P2RY14: variants seen among roughly 807,000 people sequenced by gnomAD.
The protein encoded by P2RY14 is P2Y purinoceptor 14.
P2RY14 carries 2 observed loss-of-function variants against 0.9 expected under a neutral mutation model. That is an observed-to-expected ratio of 2.16 (90% CI 0.88 to 6.79). The LOEUF is 6.79. Ranked by LOEUF, P2RY14 falls within the 30% of genes most tolerant of loss-of-function variation. The pLI is 0.05. For missense variants in P2RY14, 378 were observed against 400.1 expected, an observed-to-expected ratio of 0.94 and a Z score of 0.47; for synonymous variants, 158 against 147.2, an observed-to-expected ratio of 1.07 and a Z score of -0.53.
chr3:151,215,212 A>G (rs1727962617), intron 2 of P2RY14, among the ~76,000 whole-genome samples: 2 of 152,180 alleles, frequency 1.3e-5, no homozygotes, highest in Admixed American at 1.3e-4. Context: ...ATTCTGAGAA[A>G]TGCTTCCCAA....
chr3:151,272,354 T>A (rs1741113926), intron 1 of P2RY14, among the ~76,000 whole-genome samples: 1 of 152,214 alleles, frequency 6.6e-6, no homozygotes, highest in Non-Finnish European at 1.5e-5. Flanking sequence ...TTGAAGTTGT[T>A]TTTCTACTCA....
At chr3:151,254,872 A>G (rs1350917486) in intron 1 of P2RY14, among the ~76,000 whole-genome samples, 1 of 152,196 alleles carries the variant, frequency 6.6e-6, no homozygotes, top group East Asian at 1.9e-4. Context: ...CATACATGAT[A>G]TATATACACA....
chr3:151,258,233 C>T (rs1210829365), intron 1 of P2RY14, among the ~76,000 whole-genome samples: 1 of 152,124 alleles, frequency 6.6e-6, no homozygotes, highest in Non-Finnish European at 1.5e-5. Flanking sequence ...GGAACTAGCT[C>T]GGGCATAATC....
At chr3:151,253,273 G>A (rs367880009) in intron 1 of P2RY14, among the ~76,000 whole-genome samples, 10 of 152,172 alleles carry the variant, frequency 6.6e-5, no homozygotes, top group African/African-American at 1.7e-4. Context: ...TGAGAGGCAC[G>A]TATACTGCAC....
At chr3:151,241,630 A>G (rs950587159) in intron 1 of P2RY14, among the ~76,000 whole-genome samples, 3 of 151,890 alleles carry the variant, frequency 2.0e-5, no homozygotes, top group Non-Finnish European at 4.4e-5. Context: ...GTGTGTATAT[A>G]CACACACAGT....
At chr3:151,252,487 T>G (rs533026760) in intron 1 of P2RY14, among the ~76,000 whole-genome samples, 3 of 152,146 alleles carry the variant, frequency 2.0e-5, no homozygotes, top group Non-Finnish European at 2.9e-5. Context: ...GGCAGTGTCT[T>G]AATTTTGCAT....
intron 1 of P2RY14, among the ~76,000 whole-genome samples, chr3:151,244,605 C>T (rs529402077): frequency 6.1e-4 from 92 of 151,178 alleles, no homozygotes; most frequent in Admixed American, 1.2e-3. Flanking sequence ...ATCTCTGGGA[C>T]GCATTCAAAG....
chr3:151,256,918 C>A, intron 1 of P2RY14, among the ~76,000 whole-genome samples: 1 of 143,442 alleles, frequency 7.0e-6, no homozygotes. Context: ...GCTAAATAAT[C>A]TCTTGCCATT....
At chr3:151,250,699 G>C (rs776056039) in intron 1 of P2RY14, among the ~76,000 whole-genome samples, 9 of 152,058 alleles carry the variant, frequency 5.9e-5, no homozygotes, top group Non-Finnish European at 1.3e-4. Flanking sequence ...TCCACCTTTT[G>C]GCTATTGTGA....
chr3:151,233,352 T>G (rs140676955), intron 1 of P2RY14, among the ~76,000 whole-genome samples: 1 of 152,374 alleles, frequency 6.6e-6, no homozygotes, highest in East Asian at 1.9e-4. Flanking sequence ...ACAGTGTTAA[T>G]TGCTTTTAAA....
At chr3:151,242,414 C>T (rs1289313540) in intron 1 of P2RY14, among the ~76,000 whole-genome samples, 2 of 152,200 alleles carry the variant, frequency 1.3e-5, no homozygotes, top group Admixed American at 1.3e-4. Context: ...TCCCAGCACG[C>T]AGCTGGAGAT....
chr3:151,216,843 G>C (rs1728330987), intron 2 of P2RY14, among the ~76,000 whole-genome samples: 1 of 152,160 alleles, frequency 6.6e-6, no homozygotes, highest in Admixed American at 6.5e-5. Context: ...GTCTGTGGCT[G>C]GTAACTAATT....
At chr3:151,238,143 C>CTT (rs1733314422) in intron 1 of P2RY14, among the ~76,000 whole-genome samples, 1 of 150,764 alleles carries the variant, frequency 6.6e-6, no homozygotes, top group South Asian at 2.1e-4. Context: ...TTTCTTTTTT[C>CTT]TTTTTCTTTT....
intron 1 of P2RY14, among the ~76,000 whole-genome samples, chr3:151,232,902 C>T (rs916461783): frequency 6.6e-6 from 1 of 152,192 alleles, no homozygotes; most frequent in African/African-American, 2.4e-5. Context: ...ATATAACCTT[C>T]AGATGTACCC....
Position 151,243,274 on chromosome 3 carries a change from A to G in P2RY14, c.-132-23632T>C, listed in dbSNP as rs1337310298. Among the ~76,000 whole-genome samples the G allele has an allele frequency of 1.9e-3, 290 of 151,902 alleles. 9 individuals carry two copies. Among genetic ancestry groups the G allele is most frequent in the Admixed American group, 0.019 (289 of 15,238 alleles). ...TCAGGAAGTACAGAGAACGCCACAA[A>G]GATACTCCTCGAGAAGAGCAACTCC... On this transcript the variant is annotated intron_variant, in intron 1 of 2. Transcript: ENST00000309170.
At chr3:151,256,476 T>C (rs1737830795) in intron 1 of P2RY14, among the ~76,000 whole-genome samples, 1 of 152,198 alleles carries the variant, frequency 6.6e-6, no homozygotes, top group African/African-American at 2.4e-5. Flanking sequence ...TCCCACCCTG[T>C]CTCCACAGGG....
Position 151,213,128 on chromosome 3 carries a change from C to T in P2RY14, c.*172G>A. On this transcript the variant is annotated 3_prime_UTR_variant, in exon 3 of 3. Coordinates refer to ENST00000309170, the MANE Select transcript of P2RY14 (RefSeq NM_014879.4). ...GAGAAATTACTGATGGGTATGTTTTCTTTGATGTTACAAAAAAGCATGGAA... is the reference window on the plus strand; with the variant it reads ...GAGAAATTACTGATGGGTATGTTTTTTTTGATGTTACAAAAAAGCATGGAA... 1.9e-6 allele frequency: 1 copy of T among 529,574 alleles called. No homozygotes were observed. Among genetic ancestry groups the T allele is most frequent in the East Asian group, 3.1e-5 (1 of 31,844 alleles). 32.8% of individuals were successfully genotyped at this position (529,574 alleles called of 1,614,324 possible).
chr3:151,257,635 T>C (rs1213487485), intron 1 of P2RY14, among the ~76,000 whole-genome samples: 1 of 152,256 alleles, frequency 6.6e-6, no homozygotes, highest in Admixed American at 6.5e-5. Flanking sequence ...ATTTCGTATA[T>C]GGAGAACTGA....
intron 1 of P2RY14, among the ~76,000 whole-genome samples, chr3:151,237,783 A>T (rs994669196): frequency 1.7e-4 from 26 of 152,158 alleles, no homozygotes; most frequent in Admixed American, 4.6e-4. Context: ...AAATGTTATT[A>T]TATTGTAGTC....
Sources: allele counts gnomAD v4.1 joint callset (sites outside exome capture counted in the v4.1 genomes callset), GRCh38; gene constraint gnomAD v4.1.1; transcripts MANE v1.5; gene names NCBI Gene and HGNC (gene_info 2026-07-23, HGNC 2026-07-21).